The following PTPRM variants were observed in gnomAD, a reference collection of about 807,000 sequenced individuals.
The protein encoded by PTPRM is receptor-type tyrosine-protein phosphatase mu.
PTPRM carries 47 observed loss-of-function variants against 186.7 expected under a neutral mutation model. The observed-to-expected ratio is 0.25, with a 90% CI of 0.20 to 0.32. The LOEUF (loss-of-function observed/expected upper bound fraction) is 0.32, where lower values mean the gene tolerates loss of function less well. PTPRM is among the 10% of genes least tolerant of loss of function. The pLI is 1.00. For synonymous variants in PTPRM, 668 were observed against 674.9 expected, an observed-to-expected ratio of 0.99 and a Z score of 0.16; for missense variants, 1,494 against 1,865.0, an observed-to-expected ratio of 0.80 and a Z score of 3.66.
chr18:8,056,475 A>C (rs1352187083), intron 7 of PTPRM, among the ~76,000 whole-genome samples: 1 of 152,170 alleles, frequency 6.6e-6, no homozygotes, highest in African/African-American at 2.4e-5. Context: ...CTACAAAATT[A>C]GCCAGGCATT....
intron 13 of PTPRM, among the ~76,000 whole-genome samples, chr18:8,118,905 CACTT>C (rs2092067768): frequency 6.7e-6 from 1 of 149,670 alleles, no homozygotes; most frequent in African/African-American, 2.5e-5. Flanking sequence ...TGGCCCAAGA[CACTT>C]CTTCTTCTTC....
intron 1 of PTPRM, among the ~76,000 whole-genome samples, chr18:7,700,993 A>AAAAAAAAAAAAAAAAAAAAAG (rs10653685): frequency 2.8e-5 from 3 of 107,322 alleles, no homozygotes; most frequent in African/African-American, 7.8e-5. Flanking sequence ...AAAAAAAAAA[A>AAAAAAAAAAAAAAAAAAAAAG]AAAGAAAGAA....
At chr18:7,702,378 C>A (rs913676379) in intron 1 of PTPRM, among the ~76,000 whole-genome samples, 3 of 152,156 alleles carry the variant, frequency 2.0e-5, no homozygotes, top group African/African-American at 7.2e-5. Flanking sequence ...TTAATGATAG[C>A]CATTCTAACT....
intron 10 of PTPRM, among the ~76,000 whole-genome samples, chr18:8,087,735 T>C (rs1485211411): frequency 1.3e-5 from 2 of 152,172 alleles, no homozygotes; most frequent in Non-Finnish European, 2.9e-5. Flanking sequence ...ATTCAATAAA[T>C]GGAACTCAGA....
At chr18:8,148,596 A>C (rs2092935719) in intron 14 of PTPRM, among the ~76,000 whole-genome samples, 1 of 151,406 alleles carries the variant, frequency 6.6e-6, no homozygotes, top group South Asian at 2.1e-4. Context: ...TTTTCAGAAA[A>C]CCAGTTCCTG....
chr18:8,307,020 T>G (rs1419760311), intron 20 of PTPRM, among the ~76,000 whole-genome samples: 3 of 152,236 alleles, frequency 2.0e-5, no homozygotes, highest in Admixed American at 2.0e-4. Context: ...ACTGATTTAT[T>G]TGCCCCAACA....
At chr18:7,592,095 C>T (rs984604152) in intron 1 of PTPRM, among the ~76,000 whole-genome samples, 1 of 152,140 alleles carries the variant, frequency 6.6e-6, no homozygotes, top group African/African-American at 2.4e-5. Context: ...TATTGCATTA[C>T]ATATTTTAGC....
chr18:8,282,927 G>T (rs2094919092), intron 19 of PTPRM, among the ~76,000 whole-genome samples: 1 of 152,156 alleles, frequency 6.6e-6, no homozygotes, highest in Non-Finnish European at 1.5e-5. Flanking sequence ...TAATGATATA[G>T]ACAACAACTT....
rs1332411768 is a variant in PTPRM at position 8,062,284 on chromosome 18, C to T, written c.1133-7402C>T. ...AGGCTTCTGCATTCTTCACGTAGTT[C>T]TCGAGCCTTGGTTTTCAGCTCCATC... is the stretch of plus-strand genomic sequence containing the variant. On this transcript the variant is annotated intron_variant, in intron 7 of 32. Coordinates refer to ENST00000580170, the MANE Select transcript of PTPRM (RefSeq NM_001105244.2). Among the ~76,000 whole-genome samples, 2 of 64,784 alleles carry T rather than the reference C, an allele frequency of 3.1e-5. 1 individual carries two copies. 42.5% of individuals were successfully genotyped at this position (64,784 alleles called of 152,430 possible). A position where few individuals can be genotyped will look rare whatever the true frequency, so the allele number is the denominator to read the frequency against.
At chr18:7,948,198 G>C (rs1483823456) in intron 5 of PTPRM, among the ~76,000 whole-genome samples, 2 of 148,626 alleles carry the variant, frequency 1.3e-5, no homozygotes, top group African/African-American at 5.0e-5. Flanking sequence ...TTCAGGGCTA[G>C]ATATTTGTCC....
chr18:8,294,983 C>T (rs1367288192), intron 19 of PTPRM, among the ~76,000 whole-genome samples: 1 of 152,160 alleles, frequency 6.6e-6, no homozygotes, highest in East Asian at 1.9e-4. Context: ...TCCATATCCA[C>T]CAGGCCACAG....
intron 7 of PTPRM, among the ~76,000 whole-genome samples, chr18:7,994,265 AACACACACACAC>A (rs71165762): frequency 2.7e-5 from 4 of 148,906 alleles, no homozygotes; most frequent in South Asian, 2.1e-4. Context: ...GGATATAAAT[AACACACACACAC>A]ACACACACAC....
At chr18:8,085,016 C>A (rs1356538450) in intron 9 of PTPRM, among the ~76,000 whole-genome samples, 1 of 152,150 alleles carries the variant, frequency 6.6e-6, no homozygotes, top group African/African-American at 2.4e-5. Flanking sequence ...TTCAGTTCCT[C>A]AGTCTCACTA....
At chr18:8,293,930 T>C (rs2095067320) in intron 19 of PTPRM, among the ~76,000 whole-genome samples, 1 of 152,204 alleles carries the variant, frequency 6.6e-6, no homozygotes, top group African/African-American at 2.4e-5. Flanking sequence ...TTTTACTTTT[T>C]ATATTAGTCC....
intron 5 of PTPRM, among the ~76,000 whole-genome samples, chr18:7,930,345 C>T (rs1217596201): frequency 6.6e-6 from 1 of 152,186 alleles, no homozygotes; most frequent in Admixed American, 6.5e-5. Context: ...GCTAGGATTA[C>T]AGACGTGAGC....
intron 7 of PTPRM, among the ~76,000 whole-genome samples, chr18:8,052,307 G>A (rs1286701352): frequency 1.3e-5 from 2 of 152,050 alleles, no homozygotes; most frequent in African/African-American, 4.8e-5. Flanking sequence ...AGTTTTATAG[G>A]GTCATGTGTT....
At position 7,700,993 on chromosome 18, in the gene PTPRM, A is replaced by AAAAAAAAG. The variant is rs10653685; in HGVS notation, c.74-73153_74-73152insAAAAGAAA. ...CCTATCTCAAAAAAAAAAAAAAAAA[A>AAAAAAAAG]AAAGAAAGAAAAAGAAAACAAGAAA... On this transcript the variant is annotated intron_variant, in intron 1 of 32. Transcript: ENST00000580170. Among the ~76,000 whole-genome samples, 450 of 107,138 alleles carry AAAAAAAAG rather than the reference A, an allele frequency of 4.2e-3. 16 individuals carry two copies. Among genetic ancestry groups the AAAAAAAAG allele is most frequent in the African/African-American group, 9.5e-3 (244 of 25,668 alleles). 70.3% of individuals were successfully genotyped at this position (107,138 alleles called of 152,430 possible).
intron 2 of PTPRM, among the ~76,000 whole-genome samples, chr18:7,856,509 C>T (rs1341156689): frequency 6.6e-6 from 1 of 151,808 alleles, no homozygotes. Context: ...AGGGCTGAGA[C>T]AGGAGGATTG....
intron 19 of PTPRM, among the ~76,000 whole-genome samples, chr18:8,266,566 A>G (rs1413141048): frequency 6.6e-6 from 1 of 152,184 alleles, no homozygotes; most frequent in Non-Finnish European, 1.5e-5. Context: ...GACTTTTCCA[A>G]TTTCTATTGT....
Sources: gnomAD v4.1 joint callset for allele counts (sites outside exome capture counted in the v4.1 genomes callset) on GRCh38, gnomAD v4.1.1 for gene constraint, MANE v1.5 for transcripts, NCBI Gene and HGNC (gene_info 2026-07-23, HGNC 2026-07-21) for gene names.